The following MTRF1 variants were observed in gnomAD, a reference collection of about 807,000 sequenced individuals.
The protein encoded by MTRF1 is peptide chain release factor 1, mitochondrial.
A neutral mutation model predicts 62.9 loss-of-function variants in MTRF1; 51 were observed. That is an observed-to-expected ratio of 0.81 (90% CI 0.65 to 1.02). The LOEUF is 1.02. Ranked by LOEUF, MTRF1 falls within the 50% of genes least tolerant of loss-of-function variation. MTRF1 has a pLI of 0.00. For synonymous variants in MTRF1, 158 were observed against 181.9 expected (o/e 0.87, Z 1.06); for missense variants, 446 against 530.0 (o/e 0.84, Z 1.56).
the MTRF1 span, among the ~76,000 whole-genome samples, chr13:41,289,373 G>A: frequency 6.6e-6 from 1 of 151,846 alleles, no homozygotes; most frequent in African/African-American, 2.4e-5. Flanking sequence ...AGGTAGCTGG[G>A]GTTATAGGTA....
the MTRF1 span, among the ~76,000 whole-genome samples, chr13:41,304,521 T>G: frequency 6.6e-6 from 1 of 152,164 alleles, no homozygotes; most frequent in Non-Finnish European, 1.5e-5. Context: ...AAAAATTCTC[T>G]GAAAAGGAAT....
chr13:41,234,620 T>C (rs893906288), intron 6 of MTRF1, among the ~76,000 whole-genome samples: 13 of 152,322 alleles, frequency 8.5e-5, no homozygotes, highest in Non-Finnish European at 1.9e-4. Flanking sequence ...ATATATACTA[T>C]ATATTGTTGA....
chr13:41,260,355 T>C, intron 2 of MTRF1, 138 bp downstream of exon 2: 1 of 888,200 alleles, frequency 1.1e-6, no homozygotes, highest in Non-Finnish European at 1.7e-6. Context: ...CCTGCTTCTG[T>C]GGGAAAAAAA....
At chr13:41,249,510 C>T (rs979477141) in intron 5 of MTRF1, among the ~76,000 whole-genome samples, 10 of 151,324 alleles carry the variant, frequency 6.6e-5, no homozygotes, top group African/African-American at 2.4e-4. Flanking sequence ...CACTGCACTC[C>T]AGCCTAGGTG....
intron 5 of MTRF1, among the ~76,000 whole-genome samples, chr13:41,244,774 A>G (rs1452716383): frequency 3.3e-5 from 5 of 152,134 alleles, no homozygotes; most frequent in African/African-American, 1.2e-4. Flanking sequence ...GCAGGCCCTG[A>G]CACCCCAGTC....
chr13:41,284,405 C>T, the MTRF1 span, among the ~76,000 whole-genome samples: 1 of 150,846 alleles, frequency 6.6e-6, no homozygotes, highest in Non-Finnish European at 1.5e-5. Flanking sequence ...ATCACTTGAA[C>T]CTGGGAAGCA....
upstream of MTRF1, among the ~76,000 whole-genome samples, chr13:41,265,371 A>T (rs1040502526): frequency 1.8e-4 from 28 of 152,052 alleles, no homozygotes; most frequent in Admixed American, 5.2e-4. Context: ...CAGTGAGCCA[A>T]GATTGCACCA....
At chr13:41,293,634 T>A in the MTRF1 span, among the ~76,000 whole-genome samples, 1 of 152,224 alleles carries the variant, frequency 6.6e-6, no homozygotes, top group Non-Finnish European at 1.5e-5. Flanking sequence ...GAACACCTGA[T>A]AGTCACAGGC....
At chr13:41,287,133 A>G in the MTRF1 span, among the ~76,000 whole-genome samples, 14 of 152,350 alleles carry the variant, frequency 9.2e-5, no homozygotes, top group Non-Finnish European at 1.6e-4. Flanking sequence ...GCATTGCTAT[A>G]AAGAACAACC....
chr13:41,248,841 T>C (rs2038637860), intron 5 of MTRF1, among the ~76,000 whole-genome samples: 1 of 152,218 alleles, frequency 6.6e-6, no homozygotes, highest in Admixed American at 6.5e-5. Flanking sequence ...AATATTTCAA[T>C]TCATTTGATA....
intron 7 of MTRF1, among the ~76,000 whole-genome samples, chr13:41,231,683 A>G (rs778510610): frequency 5.9e-5 from 9 of 152,320 alleles, no homozygotes; most frequent in African/African-American, 9.6e-5. Context: ...GTGCACTCAG[A>G]GCTTCAGAAT....
At chr13:41,309,119 G>A in the MTRF1 span, among the ~76,000 whole-genome samples, 7 of 152,108 alleles carry the variant, frequency 4.6e-5, no homozygotes, top group East Asian at 3.9e-4. Flanking sequence ...CCAGTCCACC[G>A]ATGGGCATCT....
the MTRF1 span, among the ~76,000 whole-genome samples, chr13:41,281,831 A>T: frequency 6.6e-6 from 1 of 152,150 alleles, no homozygotes; most frequent in Non-Finnish European, 1.5e-5. Context: ...TCTTCAACGA[A>T]GGTAAAAGAA....
chr13:41,265,289 G>T (rs916591916), upstream of MTRF1, among the ~76,000 whole-genome samples: 4 of 151,944 alleles, frequency 2.6e-5, no homozygotes, highest in Admixed American at 1.3e-4. Flanking sequence ...GGGCGTGGTG[G>T]CTCATGCTTG....
the MTRF1 span, among the ~76,000 whole-genome samples, chr13:41,269,286 G>A: frequency 1.5e-5 from 2 of 133,170 alleles, no homozygotes; most frequent in South Asian, 4.7e-4. Flanking sequence ...TGCAACCTCT[G>A]CCTCTCGAGT....
the MTRF1 span, chr13:41,311,493 C>G: frequency 1.3e-6 from 2 of 1,571,834 alleles, no homozygotes; most frequent in South Asian, 2.3e-5. Context: ...GGCACCTAGC[C>G]TCCCTGCCGG....
At chr13:41,311,692 A>G in the MTRF1 span, 3 of 1,007,342 alleles carry the variant, frequency 3.0e-6, no homozygotes, top group Admixed American at 5.0e-5. Flanking sequence ...TCCGCTGCCC[A>G]CCGCTCTTTG....
At chr13:41,301,670 C>A in the MTRF1 span, among the ~76,000 whole-genome samples, 1 of 151,998 alleles carries the variant, frequency 6.6e-6, no homozygotes, top group Non-Finnish European at 1.5e-5. Flanking sequence ...ATCACTTGAA[C>A]CCAGGAGGTG....
chr13:41,246,363 A>G (rs1349443490), intron 5 of MTRF1, among the ~76,000 whole-genome samples: 1 of 152,096 alleles, frequency 6.6e-6, no homozygotes, highest in African/African-American at 2.4e-5. Context: ...AGAGAGACTG[A>G]AAACTATGCT....
Sources: gnomAD v4.1 joint callset for allele counts (sites outside exome capture counted in the v4.1 genomes callset) on GRCh38, gnomAD v4.1.1 for gene constraint, MANE v1.5 for transcripts, NCBI Gene and HGNC (gene_info 2026-07-23, HGNC 2026-07-21) for gene names.